Variants in SPEF2 observed in about 807,000 individuals in gnomAD.
The protein encoded by SPEF2 is sperm flagellar and cilia associated 2.
Under a neutral mutation model 224.6 loss-of-function variants are expected in SPEF2, and 187 were observed. That is an observed-to-expected ratio of 0.83 (90% CI 0.74 to 0.94). SPEF2 has a LOEUF of 0.94. Ranked by LOEUF, SPEF2 falls within the 40% of genes least tolerant of loss-of-function variation. The pLI, the probability that SPEF2 is intolerant of heterozygous loss-of-function variation, is 0.00. For synonymous variants in SPEF2, 715 were observed against 707.3 expected, an observed-to-expected ratio of 1.01 and a Z score of -0.17; for missense variants, 2,170 against 2,135.6, an observed-to-expected ratio of 1.02 and a Z score of -0.32.
chr5:35,682,225 T>A (rs1227242417), intron 10 of SPEF2, among the ~76,000 whole-genome samples: 1 of 152,158 alleles, frequency 6.6e-6, no homozygotes, highest in Non-Finnish European at 1.5e-5. Flanking sequence ...TATAGCCTCA[T>A]TTTATGGGGT....
At chr5:35,678,926 C>T (rs1276892796) in intron 10 of SPEF2, among the ~76,000 whole-genome samples, 1 of 152,168 alleles carries the variant, frequency 6.6e-6, no homozygotes, top group Non-Finnish European at 1.5e-5. Flanking sequence ...TCTGCCTCTT[C>T]TAAGAAACCT....
chr5:35,628,492 G>A lies in SPEF2; in HGVS notation c.91G>A (p.Gly31Ser), dbSNP rs773944377. ...GTCATTTGCAAAGGCATTTTCCAGT[G>A]GCTATCTACTTGGAGAAGTTCTACA... is the stretch of plus-strand genomic sequence containing the variant. ...PKSFAKAFSS[G>S]YLLGEVLHKF... is the part of the protein sequence containing the mutation. Residue 31 changes from glycine (G) to serine (S), a missense_variant, in exon 2 of 37, where the codon GGC becomes AGC. Physicochemically the swap from Gly to Ser is moderately conservative, Grantham distance 56. Transcript: ENST00000356031. 3 of 1,613,696 alleles carry A rather than the reference G, an allele frequency of 1.9e-6. No homozygotes were observed.
chr5:35,721,741 AT>A (rs879843154), intron 20 of SPEF2, among the ~76,000 whole-genome samples: 6,140 of 83,980 alleles, frequency 0.073, 162 homozygotes, highest in Non-Finnish European at 0.11. Flanking sequence ...CAGTACATAC[AT>A]AGACAGGCAG....
At chr5:35,624,688 G>T (rs1019689996) in intron 1 of SPEF2, among the ~76,000 whole-genome samples, 1 of 152,074 alleles carries the variant, frequency 6.6e-6, no homozygotes, top group African/African-American at 2.4e-5. Flanking sequence ...CCAGGCTGGA[G>T]TGCAGTGGCG....
intron 24 of SPEF2, among the ~76,000 whole-genome samples, chr5:35,757,911 T>C (rs1199275526): frequency 6.6e-6 from 1 of 152,234 alleles, no homozygotes; most frequent in East Asian, 1.9e-4. Context: ...AATTAATTTT[T>C]TCCTGTTTCA....
chr5:35,628,777 A>T (rs1398011105), intron 2 of SPEF2, among the ~76,000 whole-genome samples: 1 of 151,930 alleles, frequency 6.6e-6, no homozygotes, highest in African/African-American at 2.4e-5. Flanking sequence ...TTTTTGGTGT[A>T]GACGGGGTTT....
chr5:35,793,481 G>A, intron 32 of SPEF2, 140 bp downstream of exon 32: 2 of 779,514 alleles, frequency 2.6e-6, no homozygotes, highest in Non-Finnish European at 3.7e-6. Context: ...CCCAGAGGCA[G>A]CACAGGCAGT....
chr5:35,635,682 A>G (rs1745737618), intron 2 of SPEF2, among the ~76,000 whole-genome samples: 1 of 152,212 alleles, frequency 6.6e-6, no homozygotes, highest in African/African-American at 2.4e-5. Flanking sequence ...TTTCCAAAAT[A>G]CATGATTCTG....
chr5:35,745,318 C>A (rs1748321532), intron 23 of SPEF2, among the ~76,000 whole-genome samples: 1 of 152,094 alleles, frequency 6.6e-6, no homozygotes, highest in African/African-American at 2.4e-5. Flanking sequence ...AAGAAGCCTC[C>A]CGGCCAGAGC....
chr5:35,728,866 A>G (rs1287768884), intron 21 of SPEF2, among the ~76,000 whole-genome samples: 1 of 152,002 alleles, frequency 6.6e-6, no homozygotes, highest in Middle Eastern at 3.2e-3. Context: ...TTTAATATAT[A>G]TACTAATATT....
Position 35,799,921 on chromosome 5 carries a change from C to T in SPEF2, c.4831-47C>T, listed in dbSNP as rs557284404. ...TCTTCATTGCATGACTAACTACTGA[C>T]TATGAGAGTGCACCCATTTTATCTT... On this transcript the variant is annotated intron_variant, in intron 33 of 36. Coordinates refer to ENST00000356031, the MANE Select transcript of SPEF2 (RefSeq NM_024867.4). 8 of 1,601,314 alleles carry T rather than the reference C, an allele frequency of 5.0e-6. No individual in the cohort carries two copies. In the African/African-American group the frequency reaches 9.4e-5, roughly 19 times the overall value.
chr5:35,692,528 C>G, intron 11 of SPEF2, 42 bp from the exon 12 acceptor site: 1 of 1,480,322 alleles, frequency 6.8e-7, no homozygotes, highest in Non-Finnish European at 9.2e-7. Context: ...TTTCCATTTC[C>G]CAAATGAAAA....
At chr5:35,674,331 C>CT (rs1751575074) in intron 10 of SPEF2, among the ~76,000 whole-genome samples, 1 of 107,152 alleles carries the variant, frequency 9.3e-6, no homozygotes, top group African/African-American at 3.5e-5. Context: ...CTTCTCTTTT[C>CT]GTCTTCTTTT....
At chr5:35,702,221 G>T (rs1223619064) in intron 16 of SPEF2, 1 of 456,240 alleles carries the variant, frequency 2.2e-6, no homozygotes, top group African/African-American at 2.0e-5. Flanking sequence ...GTTCTGCAGT[G>T]CTCGGGGTCT....
chr5:35,677,402 G>A (rs1752178794), intron 10 of SPEF2, among the ~76,000 whole-genome samples: 1 of 152,202 alleles, frequency 6.6e-6, no homozygotes, highest in African/African-American at 2.4e-5. Context: ...ACCACCATCA[G>A]AATTGTTTGG....
At chr5:35,767,151 T>C (rs896107284) in intron 26 of SPEF2, among the ~76,000 whole-genome samples, 1 of 151,910 alleles carries the variant, frequency 6.6e-6, no homozygotes, top group Non-Finnish European at 1.5e-5. Flanking sequence ...ATGAAGAGAG[T>C]TATAATAAGA....
At chr5:35,646,356 G>T (rs976401176) in intron 4 of SPEF2, among the ~76,000 whole-genome samples, 2 of 152,100 alleles carry the variant, frequency 1.3e-5, no homozygotes, top group African/African-American at 4.8e-5. Flanking sequence ...GATTGGGAAA[G>T]AATTATACAC....
intron 2 of SPEF2, among the ~76,000 whole-genome samples, chr5:35,635,168 G>A (rs1438190858): frequency 6.6e-6 from 1 of 151,786 alleles, no homozygotes; most frequent in Non-Finnish European, 1.5e-5. Flanking sequence ...CTGTCTTTGG[G>A]TTCTCAGATC....
intron 33 of SPEF2, among the ~76,000 whole-genome samples, chr5:35,797,972 C>T (rs979719941): frequency 1.3e-4 from 20 of 152,230 alleles, no homozygotes; most frequent in Admixed American, 1.3e-3. Flanking sequence ...ACCCAGGAGT[C>T]ATCCCCAGTT....
Sources: allele counts gnomAD v4.1 joint callset (sites outside exome capture counted in the v4.1 genomes callset), GRCh38; gene constraint gnomAD v4.1.1; transcripts MANE v1.5; gene names NCBI Gene and HGNC (gene_info 2026-07-23, HGNC 2026-07-21).